QSOX1: variants seen among roughly 807,000 people sequenced by gnomAD.
The protein encoded by QSOX1 is quiescin sulfhydryl oxidase 1.
A neutral mutation model predicts 76.1 loss-of-function variants in QSOX1; 40 were observed. The ratio of observed to expected loss-of-function variants is 0.53; its 90% CI spans 0.41 to 0.68. The LOEUF is 0.68. QSOX1 is among the 30% of genes least tolerant of loss of function. QSOX1 has a pLI of 0.00. For missense variants in QSOX1, 931 were observed against 974.3 expected (o/e 0.96, Z 0.59); for synonymous variants, 392 against 413.1 (o/e 0.95, Z 0.62).
Position 180,155,560 on chromosome 1 carries a change from C to G in QSOX1, c.265+388C>G, listed in dbSNP as rs546530919. Among the ~76,000 whole-genome samples the G allele has an allele frequency of 2.2e-4, 34 of 152,328 alleles. 1 individual carries two copies. The highest frequency in any genetic ancestry group is 2.1e-3 in the Admixed American group (32 of 15,302). ...AGCCTTGTGGCAGTCCTCTTCCTCTCGTCCAGGGACCCATGTCATCTTCCT... is the reference window on the plus strand; with the variant it reads ...AGCCTTGTGGCAGTCCTCTTCCTCTGGTCCAGGGACCCATGTCATCTTCCT... On this transcript the variant is annotated intron_variant, in intron 1 of 11. Coordinates refer to ENST00000367602, the MANE Select transcript of QSOX1 (RefSeq NM_002826.5).
Position 180,196,253 on chromosome 1 carries a change from C to T in QSOX1, c.1469-9C>T, listed in dbSNP as rs370550978. 1.9e-6 allele frequency: 3 copies of T among 1,603,842 alleles called. No homozygotes were observed. Among genetic ancestry groups the T allele is most frequent in the African/African-American group, 2.7e-5 (2 of 74,778 alleles). Reference sequence around the variant, plus strand: ...GTCACCACCAGCCTGTGTATGCTTCCCTCTGTAGGTGCCCCCAGCGAGGAC... The same window carrying T: ...GTCACCACCAGCCTGTGTATGCTTCTCTCTGTAGGTGCCCCCAGCGAGGAC... On this transcript the variant is annotated splice_polypyrimidine_tract_variant and intron_variant, in intron 11 of 11. Transcript: ENST00000367602. This position sits in a 1 kb window ranked among gnomAD's most constrained non-coding sequence, Gnocchi z 4.1.
chr1:180,197,280 G>A lies in QSOX1; in HGVS notation c.*243G>A. On this transcript the variant is annotated 3_prime_UTR_variant, in exon 12 of 12. Coordinates refer to ENST00000367602, the MANE Select transcript of QSOX1 (RefSeq NM_002826.5). ...GCAGGGAGGGCAGCCCCGGGCAGTG[G>A]GCATAGGGCAGCTCAGTCCCTGGCC... is the stretch of plus-strand genomic sequence containing the variant. 6.2e-7 allele frequency: 1 copy of A among 1,613,406 alleles called. No homozygotes were observed. Among genetic ancestry groups the A allele is most frequent in the Non-Finnish European group, 8.5e-7 (1 of 1,179,930 alleles).
At chr1:180,194,005 G>A (rs931278287) in intron 10 of QSOX1, among the ~76,000 whole-genome samples, 1 of 152,102 alleles carries the variant, frequency 6.6e-6, no homozygotes, top group African/African-American at 2.4e-5. Context: ...AGGAGTTTTG[G>A]GGGGATGGGG....
chr1:180,156,782 G>A (rs547052278), intron 1 of QSOX1, among the ~76,000 whole-genome samples: 1 of 152,286 alleles, frequency 6.6e-6, no homozygotes, highest in South Asian at 2.1e-4. Context: ...GAGGAGGGAG[G>A]AAGAACATGG....
In QSOX1 at chr1:180,175,944, C is replaced by T. The variant is rs77576543; in HGVS notation, c.426C>T (p.Asp142=). ...TTTCATTTACAGTGGCTGGTGCTGA[C>T]GTGCAGACACTGCGGGAGAGGCTCA... ...SGAVFPVAGA[D]VQTLRERLID... Residue 142 remains aspartate (D), a synonymous_variant, in exon 4 of 12, where the codon GAC becomes GAT. Transcript: ENST00000367602. The T allele has an allele frequency of 1.0e-4, 163 of 1,593,604 alleles. No individual in the cohort carries two copies. In the African/African-American group the frequency reaches 1.5e-3, roughly 15 times the overall value.
rs1663586926 is a variant in QSOX1, at chr1:180,199,585, A to G, written c.*2548A>G. The G allele has an allele frequency of 6.6e-6, 1 of 152,054 alleles. No homozygotes were observed. Among genetic ancestry groups the G allele is most frequent in the African/African-American group, 2.4e-5 (1 of 41,380 alleles). 9.4% of individuals were successfully genotyped at this position (152,054 alleles called of 1,614,324 possible). A position where few individuals can be genotyped will look rare whatever the true frequency, so the allele number is the denominator to read the frequency against. On this transcript the variant is annotated 3_prime_UTR_variant, in exon 12 of 12. Transcript: ENST00000367602. The stretch of plus-strand genomic sequence containing the variant: ...TCAGCAAAGAAAAGTAGAATTCGAA[A>G]ACTTTTTAAAAATATTACTAAGGAT...
At chr1:180,182,809 G>A (rs1663073604) in intron 6 of QSOX1, among the ~76,000 whole-genome samples, 1 of 152,250 alleles carries the variant, frequency 6.6e-6, no homozygotes, top group African/African-American at 2.4e-5. Flanking sequence ...CTGCTGAATG[G>A]CCCGTTAATG....
At chr1:180,190,740 A>G (rs558583544) in intron 10 of QSOX1, among the ~76,000 whole-genome samples, 160 bp downstream of exon 10, 4 of 152,272 alleles carry the variant, frequency 2.6e-5, no homozygotes, top group East Asian at 3.9e-4. Flanking sequence ...GGATTGCTCT[A>G]TCTGCAGGTA....
chr1:180,177,297 G>A (rs1002556073), intron 4 of QSOX1, among the ~76,000 whole-genome samples: 1 of 150,284 alleles, frequency 6.7e-6, no homozygotes, highest in African/African-American at 2.5e-5. Flanking sequence ...CTGTTGCCCA[G>A]GCTGGGAGTG....
At chr1:180,190,703 G>C in intron 10 of QSOX1, 123 bp downstream of exon 10, 1 of 1,253,738 alleles carries the variant, frequency 8.0e-7, no homozygotes. Context: ...CCAGAAGATG[G>C]GGAGAGTCAG....
At chr1:180,175,486 C>A in intron 3 of QSOX1, 120 bp downstream of exon 3, 2 of 1,071,138 alleles carry the variant, frequency 1.9e-6, no homozygotes, top group Non-Finnish European at 2.9e-6. Context: ...GTGAGGCGGT[C>A]CCCACGGGAA....
intron 10 of QSOX1, among the ~76,000 whole-genome samples, chr1:180,191,998 A>G (rs543853278): frequency 1.3e-5 from 2 of 151,656 alleles, no homozygotes; most frequent in African/African-American, 4.8e-5. Flanking sequence ...CCATGTCCAA[A>G]TTTCCTCTTC....
chr1:180,155,812 A>C (rs1448863440), intron 1 of QSOX1, among the ~76,000 whole-genome samples: 1 of 152,164 alleles, frequency 6.6e-6, no homozygotes, highest in Non-Finnish European at 1.5e-5. Context: ...CTTCTGGGCC[A>C]CATCCTTCTC....
intron 2 of QSOX1, among the ~76,000 whole-genome samples, chr1:180,171,637 G>A (rs1289080039): frequency 6.6e-6 from 1 of 152,220 alleles, no homozygotes; most frequent in Non-Finnish European, 1.5e-5. Flanking sequence ...GCAAGATTGA[G>A]CAACTTCTTT....
At chr1:180,155,656 C>T (rs1037471521) in intron 1 of QSOX1, among the ~76,000 whole-genome samples, 1 of 152,250 alleles carries the variant, frequency 6.6e-6, no homozygotes, top group Non-Finnish European at 1.5e-5. Flanking sequence ...TGCCTCCCTG[C>T]CACCTTTCTC....
rs892554088 is a variant in QSOX1, at chr1:180,197,519, C to G, written c.*482C>G. The G allele has an allele frequency of 9.9e-7, 1 of 1,013,242 alleles. No homozygotes were observed. Among genetic ancestry groups the G allele is most frequent in the African/African-American group, 1.6e-5 (1 of 62,178 alleles). 62.8% of individuals were successfully genotyped at this position (1,013,242 alleles called of 1,614,324 possible). A position where few individuals can be genotyped will look rare whatever the true frequency, so the allele number is the denominator to read the frequency against. ...CCGGACAATGAAGAAGCCTTTGCAC[C>G]CTGGGAGGAAGGACCACCCCGGGCC... On this transcript the variant is annotated 3_prime_UTR_variant, in exon 12 of 12. Coordinates refer to ENST00000367602, the MANE Select transcript of QSOX1 (RefSeq NM_002826.5).
At position 180,200,373 on chromosome 1, in the gene QSOX1, G is replaced by C. The variant is rs1663611682; in HGVS notation, c.*3336G>C. The C allele has an allele frequency of 6.6e-6, 1 of 152,182 alleles. No homozygotes were observed. Among genetic ancestry groups the C allele is most frequent in the Non-Finnish European group, 1.5e-5 (1 of 68,072 alleles). 9.4% of individuals were successfully genotyped at this position (152,182 alleles called of 1,614,324 possible). On this transcript the variant is annotated 3_prime_UTR_variant, in exon 12 of 12. Transcript: ENST00000367602. The stretch of plus-strand genomic sequence containing the variant: ...CTTGGAGGGGGGTGCCGTTCCCACA[G>C]GATATTCTGTGAAGGGTGTCCCTGG...
At chr1:180,185,529 A>C (rs946874611) in intron 7 of QSOX1, among the ~76,000 whole-genome samples, 3 of 152,192 alleles carry the variant, frequency 2.0e-5, no homozygotes, top group East Asian at 1.9e-4. Context: ...ATCAGCCCTG[A>C]AAGAAATACA....
intron 2 of QSOX1, among the ~76,000 whole-genome samples, chr1:180,174,938 T>A (rs1487043982): frequency 6.6e-6 from 1 of 151,108 alleles, no homozygotes; most frequent in Admixed American, 6.6e-5. Context: ...AGATCACAGG[T>A]CAGGAGTTCG....
Sources: gnomAD v4.1 joint callset for allele counts (sites outside exome capture counted in the v4.1 genomes callset) on GRCh38, gnomAD v4.1.1 for gene constraint, Gnocchi (gnomAD v3.1) non-coding constraint, MANE v1.5 for transcripts, NCBI Gene and HGNC (gene_info 2026-07-23, HGNC 2026-07-21) for gene names.